Variants in GSE1 observed in about 807,000 individuals in gnomAD.
GSE1 encodes the protein Gse1 coiled-coil protein.
Under a neutral mutation model 112.6 loss-of-function variants are expected in GSE1, and 32 were observed. That is an observed-to-expected ratio of 0.28 (90% confidence interval 0.21 to 0.38). The LOEUF is 0.38. GSE1 is among the 10% of genes least tolerant of loss of function. GSE1 has a pLI of 1.00. For missense variants in GSE1, 2,348 were observed against 1,699.2 expected (o/e 1.38, Z -6.71); for synonymous variants, 1,115 against 735.6 (o/e 1.52, Z -8.35).
intron 2 of GSE1, among the ~76,000 whole-genome samples, chr16:85,450,979 C>T (rs1468677056): frequency 1.4e-5 from 2 of 145,438 alleles, no homozygotes; most frequent in African/African-American, 5.1e-5. Context: ...GAGGCCAAGG[C>T]AGGAGAATTG....
chr16:85,664,209 C>T lies in GSE1; in HGVS notation c.2644+595C>T, dbSNP rs78343809. Among the ~76,000 whole-genome samples, 437 of 152,370 alleles carry T rather than the reference C, an allele frequency of 2.9e-3. 2 individuals are homozygous for T. Among genetic ancestry groups the T allele is most frequent in the African/African-American group, 0.01 (417 of 41,596 alleles). On this transcript the variant is annotated intron_variant, in intron 11 of 15. Transcript: ENST00000253458. Reference sequence around the variant, plus strand: ...GGGTTTTGGCTTCCTTGGCCTGCAGCGCAGGCTGGCTTGGTGCCCAGATGT... The same window carrying T: ...GGGTTTTGGCTTCCTTGGCCTGCAGTGCAGGCTGGCTTGGTGCCCAGATGT...
intron 1 of GSE1, among the ~76,000 whole-genome samples, chr16:85,177,321 A>G (rs189800437): frequency 1.3e-5 from 2 of 152,248 alleles, no homozygotes; most frequent in East Asian, 3.9e-4. Flanking sequence ...GGCACCTTTT[A>G]TTGGCTGGGG....
upstream of GSE1, among the ~76,000 whole-genome samples, chr16:85,612,576 A>T (rs927296775): frequency 6.6e-6 from 1 of 151,212 alleles, no homozygotes; most frequent in Admixed American, 6.6e-5. Flanking sequence ...CACCCCCCGC[A>T]GCGGCCCGCA....
chr16:85,359,242 T>C (rs2047014390), intron 2 of GSE1: 2 of 370,092 alleles, frequency 5.4e-6, no homozygotes, highest in Non-Finnish European at 1.1e-5. Context: ...CGGGTGCCCC[T>C]GTTTGGCGAT....
chr16:85,542,572 C>T (rs2044558511), intron 2 of GSE1, among the ~76,000 whole-genome samples: 1 of 152,252 alleles, frequency 6.6e-6, no homozygotes, highest in African/African-American at 2.4e-5. Flanking sequence ...GGTTGCTCCA[C>T]CCCACAAACA....
chr16:85,344,000 A>G (rs892173892), intron 1 of GSE1, among the ~76,000 whole-genome samples: 5 of 152,090 alleles, frequency 3.3e-5, no homozygotes, highest in South Asian at 2.1e-4. Flanking sequence ...CTGAAACACT[A>G]TTCCCCCAGG....
chr16:85,368,393 C>A lies in GSE1; in HGVS notation c.2464+10750C>A, dbSNP rs9932559. Among the ~76,000 whole-genome samples, 5 of 152,040 alleles carry A rather than the reference C, an allele frequency of 3.3e-5. No homozygotes were observed. The South Asian group carries it at 6.2e-4, about 19-fold the overall frequency. On this transcript the variant is annotated intron_variant, in intron 2 of 2. Coordinates refer to the GSE1 transcript ENST00000637419. Reference sequence around the variant, plus strand: ...TGTTTCACAACTGATTAGATCAGCCCTAAATGCCTTCTCTAAAAGATACAA... The same window carrying A: ...TGTTTCACAACTGATTAGATCAGCCATAAATGCCTTCTCTAAAAGATACAA...
At position 85,444,984 on chromosome 16, in the gene GSE1, G is replaced by A. The variant is rs536668584; in HGVS notation, c.2464+87341G>A. 2.6e-5 allele frequency among the ~76,000 whole-genome samples: 4 copies of A among 152,328 alleles called. No individual in the cohort carries two copies. The East Asian group carries it at 7.7e-4, about 29-fold the overall frequency. On this transcript the variant is annotated intron_variant, in intron 2 of 2. Coordinates refer to the GSE1 transcript ENST00000637419. Reference sequence around the variant, plus strand: ...GCCCAGGTGTGTCGCCGGCTCCGCAGCAGCCAGATCTTGAGCCGCTTTTCA... The same window carrying A: ...GCCCAGGTGTGTCGCCGGCTCCGCAACAGCCAGATCTTGAGCCGCTTTTCA...
intron 1 of GSE1, among the ~76,000 whole-genome samples, chr16:85,189,447 G>A (rs1320389454): frequency 1.3e-5 from 2 of 152,202 alleles, no homozygotes; most frequent in Non-Finnish European, 2.9e-5. Flanking sequence ...TTCCTGAAAA[G>A]CACTGCACTT....
At chr16:85,627,189 G>A (rs371291538) in intron 1 of GSE1, among the ~76,000 whole-genome samples, 2 of 148,920 alleles carry the variant, frequency 1.3e-5, no homozygotes, top group Non-Finnish European at 1.5e-5. Context: ...GGCCTCACCC[G>A]GGGGCGGTGG....
At chr16:85,359,112 C>T (rs1597479610) in intron 2 of GSE1, among the ~76,000 whole-genome samples, 2 of 152,342 alleles carry the variant, frequency 1.3e-5, no homozygotes, top group Admixed American at 1.3e-4. Context: ...TTTGCGATTT[C>T]TCACGCTCAG....
chr16:85,613,634 C>T (rs896037557), intron 1 of GSE1, among the ~76,000 whole-genome samples: 9 of 150,760 alleles, frequency 6.0e-5, no homozygotes, highest in Admixed American at 5.9e-4. Flanking sequence ...CTCGGGGGCT[C>T]CGGGCTCAGG....
intron 2 of GSE1, among the ~76,000 whole-genome samples, chr16:85,380,913 T>C (rs558082645): frequency 1.2e-4 from 19 of 152,222 alleles, no homozygotes; most frequent in Non-Finnish European, 2.2e-4. Flanking sequence ...CCTGGTAAAG[T>C]CTTTGCAATG....
intron 1 of GSE1, among the ~76,000 whole-genome samples, chr16:85,207,551 G>A (rs1218575787): frequency 1.1e-5 from 1 of 92,464 alleles, no homozygotes; most frequent in African/African-American, 4.5e-5. Context: ...CTGCCCCAGC[G>A]GCAGGAGATC....
intron 1 of GSE1, among the ~76,000 whole-genome samples, chr16:85,192,533 G>A (rs1045471664): frequency 1.3e-5 from 2 of 152,210 alleles, no homozygotes; most frequent in African/African-American, 4.8e-5. Flanking sequence ...AGCTTCACAG[G>A]TGTGAGTGGC....
At chr16:85,613,451 C>A in intron 1 of GSE1, 53 bp downstream of exon 1, 1 of 1,477,544 alleles carries the variant, frequency 6.8e-7, no homozygotes, top group Non-Finnish European at 9.2e-7. Flanking sequence ...CCCCCCACCG[C>A]ACTGTCCTCC....
At position 85,655,892 on chromosome 16, in the gene GSE1, C is replaced by A; in HGVS notation, c.964C>A (p.Arg322Ser). Residue 322 changes from arginine (R) to serine (S), a missense_variant, in exon 6 of 16, where the codon CGC (arginine) becomes AGC (serine). By Grantham distance (110) the Arg-to-Ser change is moderately radical (BLOSUM62 -1). Transcript: ENST00000253458. ...ATCCCTGGCAGCGCTGCACTCGGAG[C>A]GCATGTCTGGCCTCAGCGCGGAGAG... The part of the protein sequence containing the change: ...HSSLAALHSE[R>S]MSGLSAERLQ... 1.2e-6 allele frequency: 2 copies of A among 1,605,756 alleles called. No homozygotes were observed. Among genetic ancestry groups the A allele is most frequent in the Non-Finnish European group, 8.5e-7 (1 of 1,179,728 alleles).
intron 2 of GSE1, among the ~76,000 whole-genome samples, chr16:85,385,462 CT>C (rs1261138855): frequency 6.6e-6 from 1 of 152,114 alleles, no homozygotes; most frequent in Non-Finnish European, 1.5e-5. Context: ...GTGGGACATA[CT>C]TGCCTCCCAC....
chr16:85,474,650 G>C lies in GSE1; in HGVS notation c.2464+117007G>C, dbSNP rs369058359. Among the ~76,000 whole-genome samples the C allele has an allele frequency of 9.9e-4, 94 of 94,476 alleles. 3 individuals are homozygous for C. Among genetic ancestry groups the C allele is most frequent in the African/African-American group, 4.0e-3 (90 of 22,652 alleles). The allele number at this position is 94,476 out of a possible 152,430, so 62.0% of individuals were successfully genotyped here. ...ACCACCTCCCTCTCTCTTTCCTCTTGCCCCCCCTCTTCCCCCTCCTCTCCT... is the reference window on the plus strand; with the variant it reads ...ACCACCTCCCTCTCTCTTTCCTCTTCCCCCCCCTCTTCCCCCTCCTCTCCT... On this transcript the variant is annotated intron_variant, in intron 2 of 2. Coordinates refer to the GSE1 transcript ENST00000637419.
Sources: allele counts gnomAD v4.1 joint callset (sites outside exome capture counted in the v4.1 genomes callset), GRCh38; gene constraint gnomAD v4.1.1; transcripts MANE v1.5; gene names NCBI Gene and HGNC (gene_info 2026-07-23, HGNC 2026-07-21).